Variants in ASIC2 observed in about 807,000 individuals in gnomAD.
ASIC2 encodes the protein acid-sensing ion channel 2.
Under a neutral mutation model 57.3 loss-of-function variants are expected in ASIC2, and 25 were observed. The ratio of observed to expected loss-of-function variants is 0.44; its 90% CI spans 0.32 to 0.61. The LOEUF (loss-of-function observed/expected upper bound fraction) is 0.61, where lower values mean the gene tolerates loss of function less well. Among genes scored for constraint, ASIC2 ranks in the 20% least tolerant of loss-of-function variants. The pLI is 0.06. For synonymous variants in ASIC2, 319 were observed against 307.5 expected (o/e 1.04, Z -0.39); for missense variants, 641 against 738.1 (o/e 0.87, Z 1.52).
chr17:33,446,866 C>T (rs1371976787), intron 1 of ASIC2, among the ~76,000 whole-genome samples: 6 of 152,164 alleles, frequency 3.9e-5, no homozygotes, highest in African/African-American at 4.8e-5. Flanking sequence ...TTGAAGAATT[C>T]GCTTTACCTC....
chr17:33,540,011 G>T (rs1412916137), intron 1 of ASIC2, among the ~76,000 whole-genome samples: 1 of 152,172 alleles, frequency 6.6e-6, no homozygotes, highest in African/African-American at 2.4e-5. Context: ...ATTTCCTTGG[G>T]CTGCCATAAC....
rs181461935 is a variant in ASIC2 at position 33,133,911 on chromosome 17, C to T, written c.709-21844G>A. On this transcript the variant is annotated intron_variant, in intron 1 of 9. Transcript: ENST00000225823. ...GAGGGCACAGGAAAAGGGATCAAATCGTCAACCCACAAAAGACAGTCTGGG... is the reference window on the plus strand; with the variant it reads ...GAGGGCACAGGAAAAGGGATCAAATTGTCAACCCACAAAAGACAGTCTGGG... Among the ~76,000 whole-genome samples the T allele has an allele frequency of 3.9e-5, 6 of 152,296 alleles. No individual in the cohort carries two copies. The East Asian group carries it at 9.6e-4, about 24-fold the overall frequency.
At position 33,605,573 on chromosome 17, in the gene ASIC2, T is replaced by A. The variant is rs189549633; in HGVS notation, c.556-493506A>T. Among the ~76,000 whole-genome samples the A allele has an allele frequency of 3.4e-4, 52 of 152,330 alleles. 1 individual carries two copies. The highest frequency in any genetic ancestry group is 7.8e-4 in the Admixed American group (12 of 15,312). ...CCTGTGTAATTAACATGCTTTATGC[T>A]GCTAAACTGGTATTCCATGTGTTGA... On this transcript the variant is annotated intron_variant, in intron 1 of 9. Transcript: ENST00000359872.
chr17:33,252,012 G>A (rs766156339), intron 1 of ASIC2, among the ~76,000 whole-genome samples: 8 of 152,142 alleles, frequency 5.3e-5, no homozygotes, highest in Admixed American at 3.9e-4. Flanking sequence ...TATCATGTCC[G>A]TTTTTCAGAT....
chr17:33,814,559 C>G (rs1050880010), intron 1 of ASIC2, among the ~76,000 whole-genome samples: 1 of 152,196 alleles, frequency 6.6e-6, no homozygotes, highest in Admixed American at 6.5e-5. Context: ...GAAGATTTCT[C>G]TTATGGAAAT....
At position 33,898,220 on chromosome 17, in the gene ASIC2, C is replaced by CTTTTTTTTTTTTTTTTT. The variant is rs771624171; in HGVS notation, c.555+257741_555+257757dup. 5.4e-4 allele frequency among the ~76,000 whole-genome samples: 36 copies of CTTTTTTTTTTTTTTTTT among 66,178 alleles called. 9 individuals are homozygous for CTTTTTTTTTTTTTTTTT. The highest frequency in any genetic ancestry group is 6.7e-4 in the Non-Finnish European group (24 of 36,090). 43.4% of individuals were successfully genotyped at this position (66,178 alleles called of 152,430 possible). On this transcript the variant is annotated intron_variant, in intron 1 of 9. Transcript: ENST00000359872. Reference sequence around the variant, plus strand: ...AAACTGCCCAGAGTTCATGTATAATCTTTTTTTTTTTTTTTTTTTTTTTTT... The same window carrying CTTTTTTTTTTTTTTTTT: ...AAACTGCCCAGAGTTCATGTATAATCTTTTTTTTTTTTTTTTTTTTTTTTTTTTTTTTTTTTTTTTTT...
intron 1 of ASIC2, among the ~76,000 whole-genome samples, chr17:33,114,294 C>G (rs1460580230): frequency 2.0e-5 from 3 of 152,198 alleles, no homozygotes; most frequent in Non-Finnish European, 4.4e-5. Context: ...GGCAAATGAA[C>G]TTATCCCATG....
intron 1 of ASIC2, among the ~76,000 whole-genome samples, chr17:33,259,038 G>T (rs1409258996): frequency 6.6e-6 from 1 of 152,160 alleles, no homozygotes; most frequent in East Asian, 1.9e-4. Flanking sequence ...AAAGGAAGGG[G>T]TTCCTTTTGT....
At chr17:34,114,586 G>A (rs984076730) in intron 1 of ASIC2, among the ~76,000 whole-genome samples, 1 of 152,062 alleles carries the variant, frequency 6.6e-6, no homozygotes, top group African/African-American at 2.4e-5. Flanking sequence ...ATTTTTTGGG[G>A]GGCTAAAAGC....
chr17:33,399,607 C>T (rs1910208872), intron 1 of ASIC2, among the ~76,000 whole-genome samples: 1 of 152,192 alleles, frequency 6.6e-6, no homozygotes, highest in Non-Finnish European at 1.5e-5. Context: ...GTGTCCAGAC[C>T]TCATCAGTCA....
At chr17:33,065,869 G>A (rs1337171643) in intron 3 of ASIC2, among the ~76,000 whole-genome samples, 1 of 152,156 alleles carries the variant, frequency 6.6e-6, no homozygotes, top group African/African-American at 2.4e-5. Context: ...CTTTGAAATT[G>A]GAATGATTTT....
At chr17:33,745,476 C>T (rs1910231728) in intron 1 of ASIC2, among the ~76,000 whole-genome samples, 1 of 149,856 alleles carries the variant, frequency 6.7e-6, no homozygotes, top group Non-Finnish European at 1.5e-5. Context: ...GCAAAGAGCT[C>T]CACACCCAGA....
intron 1 of ASIC2, among the ~76,000 whole-genome samples, chr17:33,259,839 A>C (rs187040096): frequency 1.6e-4 from 24 of 152,148 alleles, no homozygotes; most frequent in Admixed American, 1.4e-3. Flanking sequence ...CTAACCCGAG[A>C]ATGCTCTGGT....
At chr17:33,069,338 A>G (rs1384343415) in intron 3 of ASIC2, among the ~76,000 whole-genome samples, 1 of 152,212 alleles carries the variant, frequency 6.6e-6, no homozygotes, top group East Asian at 1.9e-4. Context: ...TGTATAAGCC[A>G]TCATTGGGTC....
intron 1 of ASIC2, among the ~76,000 whole-genome samples, chr17:33,781,449 G>A (rs540407337): frequency 6.6e-6 from 1 of 152,170 alleles, no homozygotes; most frequent in African/African-American, 2.4e-5. Context: ...TGGAGTGGGT[G>A]GGATTGGGAG....
chr17:33,336,390 A>T (rs1255293255), intron 1 of ASIC2, among the ~76,000 whole-genome samples: 8 of 147,516 alleles, frequency 5.4e-5, no homozygotes, highest in Non-Finnish European at 1.0e-4. Flanking sequence ...ATTTTTTTTT[A>T]AAGTACTGCA....
At chr17:33,668,595 G>A (rs1288846547) in intron 1 of ASIC2, among the ~76,000 whole-genome samples, 2 of 151,902 alleles carry the variant, frequency 1.3e-5, no homozygotes, top group African/African-American at 4.8e-5. Context: ...CCCATTTCAA[G>A]GTCCTTAAAT....
At chr17:33,800,616 A>T (rs539463167) in intron 1 of ASIC2, among the ~76,000 whole-genome samples, 1 of 152,156 alleles carries the variant, frequency 6.6e-6, no homozygotes, top group Non-Finnish European at 1.5e-5. Flanking sequence ...GGGACCACTC[A>T]CACCCACAGT....
intron 1 of ASIC2, among the ~76,000 whole-genome samples, chr17:33,887,006 G>A (rs1021399583): frequency 2.6e-5 from 4 of 152,140 alleles, no homozygotes; most frequent in African/African-American, 9.7e-5. Flanking sequence ...GAATCAGGGA[G>A]CAGGAGAGAG....
Sources: allele counts gnomAD v4.1 joint callset (sites outside exome capture counted in the v4.1 genomes callset), GRCh38; gene constraint gnomAD v4.1.1; transcripts MANE v1.5; gene names NCBI Gene and HGNC (gene_info 2026-07-23, HGNC 2026-07-21).